GCLC: variants seen among roughly 807,000 people sequenced by gnomAD.
The protein encoded by GCLC is glutamate-cysteine ligase catalytic subunit.
In GCLC, 30 loss-of-function variants were observed where a neutral mutation model predicts 81.5. The observed-to-expected ratio is 0.37, with a 90% CI of 0.28 to 0.50. The LOEUF (loss-of-function observed/expected upper bound fraction) is 0.50, where lower values mean the gene tolerates loss of function less well. GCLC is among the 20% of genes least tolerant of loss of function. GCLC has a pLI of 0.96. For synonymous variants in GCLC, 262 were observed against 273.3 expected, an observed-to-expected ratio of 0.96 and a Z score of 0.41; for missense variants, 556 against 777.4, an observed-to-expected ratio of 0.72 and a Z score of 3.39.
In GCLC at chr6:53,509,163, A is replaced by G. The variant is rs2127621442; in HGVS notation, c.828+13T>C. ...CGAAGTAGTATTTAAAATAAGAGGT[A>G]ATTTCTACTTACAACAATTGGACAG... On this transcript the variant is annotated intron_variant, in intron 7 of 15. Transcript: ENST00000650454. The G allele has an allele frequency of 6.9e-7, 1 of 1,447,572 alleles. No homozygotes were observed. The highest frequency in any genetic ancestry group is 9.7e-7 in the Non-Finnish European group (1 of 1,027,778). 89.7% of individuals were successfully genotyped at this position (1,447,572 alleles called of 1,614,324 possible). A position where few individuals can be genotyped will look rare whatever the true frequency, so the allele number is the denominator to read the frequency against.
chr6:53,543,993 G>C (rs1440962364), intron 1 of GCLC, among the ~76,000 whole-genome samples: 2 of 152,176 alleles, frequency 1.3e-5, no homozygotes, highest in Non-Finnish European at 2.9e-5. Context: ...GGGGAGGGAA[G>C]ATGAGAAGTT....
chr6:53,537,356 C>A (rs541260933), intron 1 of GCLC, among the ~76,000 whole-genome samples: 47 of 152,356 alleles, frequency 3.1e-4, no homozygotes, highest in African/African-American at 1.0e-3. Flanking sequence ...GATGCGACAA[C>A]TTTGCTTTTT....
intron 8 of GCLC, 24 bp downstream of exon 8, chr6:53,508,571 C>T: frequency 7.5e-7 from 1 of 1,326,548 alleles, no homozygotes; most frequent in Non-Finnish European, 1.1e-6. Flanking sequence ...CTTAAAAGGG[C>T]TATTAAGGAA....
At chr6:53,533,847 T>C (rs1407430984) in intron 1 of GCLC, among the ~76,000 whole-genome samples, 1 of 150,934 alleles carries the variant, frequency 6.6e-6, no homozygotes, top group Admixed American at 6.7e-5. Context: ...CAGGCTGGAG[T>C]GCAATGGCGC....
intron 1 of GCLC, among the ~76,000 whole-genome samples, chr6:53,541,398 A>G (rs753777536): frequency 6.6e-6 from 1 of 152,200 alleles, no homozygotes; most frequent in Non-Finnish European, 1.5e-5. Flanking sequence ...AGTCTTCACA[A>G]TCTTAATTCT....
At chr6:53,515,362 A>G (rs545982190) in intron 4 of GCLC, among the ~76,000 whole-genome samples, 1 of 152,250 alleles carries the variant, frequency 6.6e-6, no homozygotes, top group African/African-American at 2.4e-5. Flanking sequence ...GTCATAATCT[A>G]TCTCTTCTTG....
chr6:53,514,994 G>A (rs1300339907), intron 4 of GCLC, among the ~76,000 whole-genome samples: 1 of 152,156 alleles, frequency 6.6e-6, no homozygotes, highest in Non-Finnish European at 1.5e-5. Flanking sequence ...AGTGGCCACT[G>A]AGTACTTGAA....
At chr6:53,507,680 T>C (rs1011937099) in intron 8 of GCLC, 62 bp from the exon 9 acceptor site, 9 of 695,338 alleles carry the variant, frequency 1.3e-5, no homozygotes, top group Admixed American at 3.1e-5. Flanking sequence ...TATATTTTTA[T>C]ATATGATAAT....
At chr6:53,512,398 CT>C (rs776741035) in intron 6 of GCLC, among the ~76,000 whole-genome samples, 100 of 144,844 alleles carry the variant, frequency 6.9e-4, no homozygotes, top group African/African-American at 6.3e-4. Flanking sequence ...TAAGCAGTTT[CT>C]TTTTTTTTTT....
At chr6:53,518,957 C>T (rs575108938) in intron 3 of GCLC, among the ~76,000 whole-genome samples, 1 of 152,314 alleles carries the variant, frequency 6.6e-6, no homozygotes, top group Admixed American at 6.5e-5. Flanking sequence ...ACTCTGTCAT[C>T]TTTTAAACCA....
intron 1 of GCLC, among the ~76,000 whole-genome samples, chr6:53,537,674 T>C (rs1319597093): frequency 2.6e-5 from 4 of 151,018 alleles, no homozygotes; most frequent in African/African-American, 9.7e-5. Flanking sequence ...AGAAAAGAAA[T>C]ACAATAAAAA....
intron 8 of GCLC, among the ~76,000 whole-genome samples, chr6:53,507,957 T>G (rs9463942): frequency 0.17 from 25,895 of 152,144 alleles, 3,484 homozygotes; most frequent in East Asian, 0.44. Flanking sequence ...TTAAAGTTTA[T>G]TTCTACTTAG....
rs760538542 is a variant in GCLC at position 53,509,257 on chromosome 6, A to T, written c.754-7T>A. On this transcript the variant is annotated splice_polypyrimidine_tract_variant and splice_region_variant and intron_variant, in intron 6 of 15. Transcript: ENST00000650454. ...TGCAGGCTTGGAATGTCACCTGTTTAAGAATTGCAAAGTTATTAACACCAA... is the reference window on the plus strand; with the variant it reads ...TGCAGGCTTGGAATGTCACCTGTTTTAGAATTGCAAAGTTATTAACACCAA... The T allele has an allele frequency of 1.0e-5, 16 of 1,546,930 alleles. No homozygotes were observed. The African/African-American group carries it at 1.1e-4, about 11-fold the overall frequency.
chr6:53,514,552 A>G (rs1187010552), intron 4 of GCLC, 55 bp from the exon 5 acceptor site: 3 of 1,264,494 alleles, frequency 2.4e-6, no homozygotes, highest in Admixed American at 3.4e-5. Context: ...ATCGTGTAAA[A>G]GAAGAATTTG....
intron 2 of GCLC, among the ~76,000 whole-genome samples, chr6:53,522,060 C>T (rs17878892): frequency 8.5e-5 from 13 of 152,226 alleles, no homozygotes; most frequent in African/African-American, 1.9e-4. Flanking sequence ...CCCAGTTATA[C>T]GCTTCTGCAA....
chr6:53,506,828 G>A lies in GCLC; in HGVS notation c.1197+85C>T, dbSNP rs1396460423. ...GAAAACTGCCTCCCCATGTTGGTTTGTGAAGTGAAATGCATATAAAACAGA... is the reference window on the plus strand; with the variant it reads ...GAAAACTGCCTCCCCATGTTGGTTTATGAAGTGAAATGCATATAAAACAGA... On this transcript the variant is annotated intron_variant, in intron 10 of 15. Coordinates refer to ENST00000650454, the MANE Select transcript of GCLC (RefSeq NM_001498.4). The surrounding 1 kb of genome is among the most constrained non-coding windows in gnomAD (Gnocchi z 4.0). 1.3e-5 allele frequency: 10 copies of A among 769,178 alleles called. No individual in the cohort carries two copies. The highest frequency in any genetic ancestry group is 4.4e-5 in the South Asian group (3 of 68,264). 47.6% of individuals were successfully genotyped at this position (769,178 alleles called of 1,614,324 possible). A position where few individuals can be genotyped will look rare whatever the true frequency, so the allele number is the denominator to read the frequency against.
chr6:53,536,429 G>A (rs1350459354), intron 1 of GCLC, among the ~76,000 whole-genome samples: 4 of 152,118 alleles, frequency 2.6e-5, no homozygotes, highest in Non-Finnish European at 4.4e-5. Context: ...TTTTAAATAT[G>A]TGCAGTTAAC....
intron 6 of GCLC, chr6:53,513,984 T>C (rs750083737): frequency 3.4e-6 from 2 of 594,314 alleles, no homozygotes; most frequent in African/African-American, 3.7e-5. Context: ...ATATACCGTA[T>C]ATACCTTTGT....
chr6:53,531,223 G>A (rs568208973), intron 1 of GCLC, among the ~76,000 whole-genome samples: 1 of 152,268 alleles, frequency 6.6e-6, no homozygotes, highest in East Asian at 1.9e-4. Context: ...CTCAAACATT[G>A]GTTACAGCTC....
Sources: allele counts gnomAD v4.1 joint callset (sites outside exome capture counted in the v4.1 genomes callset), GRCh38; gene constraint gnomAD v4.1.1; non-coding constraint Gnocchi (gnomAD v3.1); transcripts MANE v1.5; gene names NCBI Gene and HGNC (gene_info 2026-07-23, HGNC 2026-07-21).